NCALD: variants seen among roughly 807,000 people sequenced by gnomAD.
NCALD encodes the protein neurocalcin delta, also known as neurocalcin-delta.
NCALD carries 10 observed loss-of-function variants against 18.6 expected under a neutral mutation model. That is an observed-to-expected ratio of 0.54 (90% CI 0.33 to 0.91). The LOEUF is 0.91. Among genes scored for constraint, NCALD ranks in the 40% least tolerant of loss-of-function variants. The probability of loss-of-function intolerance (pLI) is 0.03; values close to 1 mark genes in which losing one functional copy is unlikely to be tolerated. For synonymous variants in NCALD, 88 were observed against 87.4 expected, an observed-to-expected ratio of 1.01 and a Z score of -0.04; for missense variants, 184 against 247.6, an observed-to-expected ratio of 0.74 and a Z score of 1.72.
At chr8:101,755,448 C>A (rs898510633) in intron 1 of NCALD, among the ~76,000 whole-genome samples, 13 of 152,154 alleles carry the variant, frequency 8.5e-5, no homozygotes, top group African/African-American at 1.4e-4. Flanking sequence ...AAAGATGGAT[C>A]CAACAGCCAT....
At chr8:102,020,267 G>A (rs1297283655) in exon 2 of NCALD, 1 of 150,726 alleles carries the variant, frequency 6.6e-6, no homozygotes. Context: ...GCACACTGCA[G>A]GCTCAAGTCA....
intron 1 of NCALD, among the ~76,000 whole-genome samples, chr8:101,755,143 T>C (rs1396565296): frequency 6.6e-6 from 1 of 152,220 alleles, no homozygotes; most frequent in Non-Finnish European, 1.5e-5. Context: ...CACCATCTTA[T>C]TTTGTTTGTA....
intron 4 of NCALD, among the ~76,000 whole-genome samples, chr8:101,868,681 G>C (rs936795669): frequency 1.3e-5 from 2 of 151,980 alleles, no homozygotes; most frequent in African/African-American, 2.4e-5. Context: ...CCAAAAACAA[G>C]GCTTTCTGCA....
intron 4 of NCALD, among the ~76,000 whole-genome samples, chr8:101,842,754 G>A (rs1034028030): frequency 6.6e-6 from 1 of 152,210 alleles, no homozygotes; most frequent in Non-Finnish European, 1.5e-5. Context: ...GCCAGCCCCA[G>A]CTGCCAGTGA....
intron 1 of NCALD, among the ~76,000 whole-genome samples, chr8:102,052,667 A>G (rs1823495837): frequency 1.3e-5 from 2 of 152,204 alleles, no homozygotes; most frequent in South Asian, 2.1e-4. Flanking sequence ...GTTTTCCCAC[A>G]TTTGAAATGA....
chr8:102,011,012 T>TAAAAAAAAC (rs2132065128), intron 2 of NCALD, among the ~76,000 whole-genome samples: 1 of 152,320 alleles, frequency 6.6e-6, no homozygotes, highest in African/African-American at 2.4e-5. Flanking sequence ...ATGTCACGTC[T>TAAAAAAAAC]GGTTCCTTTT....
chr8:101,950,025 G>C (rs528110680), intron 2 of NCALD, among the ~76,000 whole-genome samples: 1 of 152,356 alleles, frequency 6.6e-6, no homozygotes, highest in South Asian at 2.1e-4. Context: ...GAGCAGCTGA[G>C]AGGGAAAGGC....
At chr8:101,747,193 TCTC>T (rs35756644) in intron 1 of NCALD, among the ~76,000 whole-genome samples, 92,939 of 151,758 alleles carry the variant, frequency 0.61, 31,286 homozygotes, top group Non-Finnish European at 0.75. Context: ...TCTGGCGTCT[TCTC>T]CTCCTTCCCA....
At chr8:101,950,822 C>T (rs974297039) in intron 2 of NCALD, among the ~76,000 whole-genome samples, 5 of 152,208 alleles carry the variant, frequency 3.3e-5, no homozygotes, top group South Asian at 2.1e-4. Flanking sequence ...CAAGCTCAGA[C>T]GACCTGCAGT....
intron 2 of NCALD, among the ~76,000 whole-genome samples, chr8:101,985,917 C>T (rs78244518): frequency 0.034 from 5,196 of 152,292 alleles, 115 homozygotes; most frequent in East Asian, 0.091. Context: ...TGCACACTCC[C>T]GCCACACAAA....
intron 4 of NCALD, among the ~76,000 whole-genome samples, chr8:101,804,479 A>C (rs1448199488): frequency 1.6e-5 from 2 of 121,384 alleles, no homozygotes; most frequent in East Asian, 4.0e-4. Flanking sequence ...AAAGATTATT[A>C]TATAATATAT....
At chr8:101,867,317 T>C (rs542579346) in intron 4 of NCALD, among the ~76,000 whole-genome samples, 94 of 152,366 alleles carry the variant, frequency 6.2e-4, no homozygotes, top group Middle Eastern at 3.4e-3. Context: ...TACTTGCTTA[T>C]GTTGTTCCCT....
At position 101,688,149 on chromosome 8, in the gene NCALD, C is replaced by G. The variant is rs1239055435; in HGVS notation, c.*1160G>C. 6.4e-6 allele frequency: 1 copy of G among 157,022 alleles called. No homozygotes were observed. Among genetic ancestry groups the G allele is most frequent in the Admixed American group, 6.2e-5 (1 of 16,186 alleles). 9.7% of individuals were successfully genotyped at this position (157,022 alleles called of 1,614,324 possible). Reference sequence around the variant, plus strand: ...AGTATTGATCTGCTCAGAAAAGCACCATGCCGCCAGTCTAATGCTGTCAAT... The same window carrying G: ...AGTATTGATCTGCTCAGAAAAGCACGATGCCGCCAGTCTAATGCTGTCAAT... On this transcript the variant is annotated 3_prime_UTR_variant, in exon 4 of 4. Coordinates refer to ENST00000220931, the MANE Select transcript of NCALD (RefSeq NM_032041.3).
chr8:101,854,548 G>C (rs977920750), intron 4 of NCALD, among the ~76,000 whole-genome samples: 1 of 151,976 alleles, frequency 6.6e-6, no homozygotes, highest in African/African-American at 2.4e-5. Flanking sequence ...TCCTGGTCTT[G>C]ACAGCAAATC....
intron 1 of NCALD, among the ~76,000 whole-genome samples, chr8:101,760,530 T>TC (rs1439821097): frequency 6.6e-6 from 1 of 152,188 alleles, no homozygotes; most frequent in East Asian, 1.9e-4. Context: ...CGTCTGGCTG[T>TC]CTTAACTAAA....
At chr8:101,756,400 G>A (rs1364292860) in intron 1 of NCALD, among the ~76,000 whole-genome samples, 1 of 152,192 alleles carries the variant, frequency 6.6e-6, no homozygotes, top group Non-Finnish European at 1.5e-5. Flanking sequence ...AGCACGACCA[G>A]CTAGGATTCC....
intron 2 of NCALD, among the ~76,000 whole-genome samples, chr8:101,986,765 G>T (rs1481982904): frequency 6.6e-6 from 1 of 152,186 alleles, no homozygotes; most frequent in East Asian, 1.9e-4. Context: ...TTAGTTAATA[G>T]AACTAAATAA....
At chr8:101,756,611 A>C (rs533232108) in intron 1 of NCALD, among the ~76,000 whole-genome samples, 108 of 152,342 alleles carry the variant, frequency 7.1e-4, no homozygotes, top group African/African-American at 2.4e-3. Context: ...AAAAAGAACA[A>C]GACAGAGATA....
chr8:101,989,687 C>A, intron 2 of NCALD, among the ~76,000 whole-genome samples: 1 of 152,166 alleles, frequency 6.6e-6, no homozygotes, highest in East Asian at 1.9e-4. Flanking sequence ...GTTCTGCTGA[C>A]TCACTTGCTT....
Sources: allele counts gnomAD v4.1 joint callset (sites outside exome capture counted in the v4.1 genomes callset), GRCh38; gene constraint gnomAD v4.1.1; transcripts MANE v1.5; gene names NCBI Gene and HGNC (gene_info 2026-07-23, HGNC 2026-07-21).